NECAB1: variants seen among roughly 807,000 people sequenced by gnomAD.
The protein encoded by NECAB1 is N-terminal EF-hand calcium-binding protein 1.
In NECAB1, 29 loss-of-function variants were observed where a neutral mutation model predicts 57.5. The observed-to-expected ratio is 0.50, with a 90% CI of 0.38 to 0.69. The LOEUF (loss-of-function observed/expected upper bound fraction) is 0.69. Ranked by LOEUF, NECAB1 falls within the 30% of genes least tolerant of loss-of-function variation. The pLI is 0.00. For synonymous variants in NECAB1, 142 were observed against 147.7 expected, an observed-to-expected ratio of 0.96 and a Z score of 0.28; for missense variants, 372 against 413.8, an observed-to-expected ratio of 0.90 and a Z score of 0.88.
chr8:90,886,413 G>A (rs551663041), intron 5 of NECAB1, among the ~76,000 whole-genome samples: 7 of 152,120 alleles, frequency 4.6e-5, no homozygotes, highest in Admixed American at 2.6e-4. Flanking sequence ...TTCTGTTCCC[G>A]TGGTAAACTG....
chr8:90,871,099 A>AC (rs1808614684), intron 3 of NECAB1, among the ~76,000 whole-genome samples: 1 of 151,914 alleles, frequency 6.6e-6, no homozygotes, highest in Non-Finnish European at 1.5e-5. Context: ...CTGGCTACTA[A>AC]TTAAAGGACA....
At chr8:90,925,420 A>C in intron 6 of NECAB1, 115 bp from the exon 7 acceptor site, 1 of 1,167,368 alleles carries the variant, frequency 8.6e-7, no homozygotes, top group Admixed American at 2.5e-5. Flanking sequence ...CATTCTCATA[A>C]GTTTTCATTT....
At chr8:90,837,884 A>G (rs1241706001) in intron 3 of NECAB1, among the ~76,000 whole-genome samples, 1 of 152,150 alleles carries the variant, frequency 6.6e-6, no homozygotes, top group African/African-American at 2.4e-5. Flanking sequence ...TTACTATTTA[A>G]TCTAATTGTT....
In NECAB1 at chr8:90,892,243, G is replaced by A. The variant is rs529125269; in HGVS notation, c.357+11113G>A. ...AGCATTTCAATGAAATAAAATTGAG[G>A]TGGGTGAGGGGTTAATACATAGGTT... On this transcript the variant is annotated intron_variant, in intron 5 of 12. Transcript: ENST00000417640. Among the ~76,000 whole-genome samples, 5 of 150,026 alleles carry A rather than the reference G, an allele frequency of 3.3e-5. No individual in the cohort carries two copies. The South Asian group carries it at 6.2e-4, about 19-fold the overall frequency.
At chr8:90,896,910 A>G (rs901177662) in intron 5 of NECAB1, among the ~76,000 whole-genome samples, 14 of 152,128 alleles carry the variant, frequency 9.2e-5, no homozygotes, top group African/African-American at 3.1e-4. Context: ...GCCAATTAGA[A>G]TTAGTTTAGC....
chr8:90,883,462 G>A (rs1187432551), intron 5 of NECAB1, among the ~76,000 whole-genome samples: 1 of 152,148 alleles, frequency 6.6e-6, no homozygotes, highest in Non-Finnish European at 1.5e-5. Flanking sequence ...TCCTGTCTCA[G>A]TAGGAAGATC....
chr8:90,823,205 C>A (rs187842308), intron 2 of NECAB1, among the ~76,000 whole-genome samples: 1,771 of 151,868 alleles, frequency 0.012, 13 homozygotes, highest in Middle Eastern at 0.034. Context: ...AGATCGGGTC[C>A]CTAGATCTGT....
chr8:90,812,537 A>G (rs1429599719), intron 2 of NECAB1: 1 of 152,162 alleles, frequency 6.6e-6, no homozygotes, highest in African/African-American at 2.4e-5. Flanking sequence ...TTCCCAGCAC[A>G]TTTCCAAGTG....
intron 3 of NECAB1, among the ~76,000 whole-genome samples, chr8:90,826,085 T>A (rs527805156): frequency 6.6e-5 from 10 of 151,868 alleles, no homozygotes; most frequent in Non-Finnish European, 1.2e-4. Context: ...TGAGTCATTA[T>A]GAGAGATTAC....
At chr8:90,875,124 T>A (rs1808691580) in intron 4 of NECAB1, among the ~76,000 whole-genome samples, 2 of 152,228 alleles carry the variant, frequency 1.3e-5, no homozygotes, top group African/African-American at 2.4e-5. Context: ...TGTTTATGAC[T>A]GTTTTCATAA....
chr8:90,817,995 G>A (rs745508148), intron 2 of NECAB1, among the ~76,000 whole-genome samples: 1 of 151,644 alleles, frequency 6.6e-6, no homozygotes, highest in Admixed American at 6.6e-5. Flanking sequence ...ATCAATCTAC[G>A]GAGATTAACT....
intron 6 of NECAB1, among the ~76,000 whole-genome samples, chr8:90,921,630 C>T (rs541868446): frequency 1.5e-4 from 23 of 151,666 alleles, no homozygotes; most frequent in South Asian, 4.2e-4. Flanking sequence ...GCAGAGATCG[C>T]GCCACTACAC....
At chr8:90,792,895 G>A (rs2130634612) in intron 1 of NECAB1, among the ~76,000 whole-genome samples, 1 of 152,136 alleles carries the variant, frequency 6.6e-6, no homozygotes, top group South Asian at 2.1e-4. Flanking sequence ...CGGGCTCCAG[G>A]CTCTCCCAGC....
chr8:90,792,032 C>G, intron 1 of NECAB1, 47 bp downstream of exon 1: 1 of 1,470,974 alleles, frequency 6.8e-7, no homozygotes, highest in Non-Finnish European at 9.3e-7. Flanking sequence ...CAGCACCTTT[C>G]TTTTCCCCGA....
chr8:90,864,255 T>C (rs1586068243), intron 3 of NECAB1, among the ~76,000 whole-genome samples: 1 of 132,356 alleles, frequency 7.6e-6, no homozygotes, highest in African/African-American at 2.9e-5. Context: ...GAGAAGGAAA[T>C]GGATAAGAAA....
chr8:90,949,146 TTGTGTGTGTGTGTGTG>T (rs59311652), intron 10 of NECAB1, among the ~76,000 whole-genome samples: 75 of 129,966 alleles, frequency 5.8e-4, no homozygotes, highest in East Asian at 1.5e-3. Flanking sequence ...AACAGGCACT[TTGTGTGTGTGTGTGTG>T]TGTGTGTGTG....
chr8:90,833,126 A>G (rs1488186115), intron 3 of NECAB1, among the ~76,000 whole-genome samples: 2 of 152,038 alleles, frequency 1.3e-5, no homozygotes, highest in East Asian at 1.9e-4. Flanking sequence ...TTCTGTGGAC[A>G]TTGTTTCCAC....
At chr8:90,813,270 C>CA (rs1811999515) in intron 2 of NECAB1, 2 of 150,306 alleles carry the variant, frequency 1.3e-5, no homozygotes, top group African/African-American at 4.9e-5. Context: ...CACACACACA[C>CA]ACTTGTATAA....
At chr8:90,945,188 C>T (rs1810773996) in intron 10 of NECAB1, among the ~76,000 whole-genome samples, 1 of 152,198 alleles carries the variant, frequency 6.6e-6, no homozygotes, top group Non-Finnish European at 1.5e-5. Flanking sequence ...CTGCCTCGGC[C>T]TCCCAAGTAG....
Sources: allele counts gnomAD v4.1 joint callset (sites outside exome capture counted in the v4.1 genomes callset), GRCh38; gene constraint gnomAD v4.1.1; transcripts MANE v1.5; gene names NCBI Gene and HGNC (gene_info 2026-07-23, HGNC 2026-07-21).